Variants in PDE1C observed in about 807,000 individuals in gnomAD.
The protein encoded by PDE1C is dual specificity calcium/calmodulin-dependent 3',5'-cyclic nucleotide phosphodiesterase 1C.
PDE1C carries 62 observed loss-of-function variants against 93.1 expected under a neutral mutation model. That is an observed-to-expected ratio of 0.67 (90% CI 0.54 to 0.82). The LOEUF (loss-of-function observed/expected upper bound fraction) is 0.82. Ranked by LOEUF, PDE1C falls within the 40% of genes least tolerant of loss-of-function variation. The pLI, the probability that PDE1C is intolerant of heterozygous loss-of-function variation, is 0.00. For missense variants in PDE1C, 742 were observed against 884.6 expected, an observed-to-expected ratio of 0.84 and a Z score of 2.04; for synonymous variants, 325 against 310.1, an observed-to-expected ratio of 1.05 and a Z score of -0.50.
intron 2 of PDE1C, among the ~76,000 whole-genome samples, chr7:31,923,042 G>C (rs1374907096): frequency 6.6e-6 from 1 of 152,166 alleles, no homozygotes; most frequent in Non-Finnish European, 1.5e-5. Context: ...ACTAAACATA[G>C]AGCAGTGACA....
chr7:31,687,517 C>G, the PDE1C span, among the ~76,000 whole-genome samples: 1 of 152,060 alleles, frequency 6.6e-6, no homozygotes, highest in Admixed American at 6.5e-5. Flanking sequence ...AAGACTGAAC[C>G]CTCACAAACT....
chr7:32,225,478 G>C (rs1021540363), intron 1 of PDE1C, among the ~76,000 whole-genome samples: 1 of 152,074 alleles, frequency 6.6e-6, no homozygotes, highest in African/African-American at 2.4e-5. Flanking sequence ...GAATCCACTC[G>C]CTAAGGATTC....
At chr7:31,910,676 G>A (rs2128937009) in intron 2 of PDE1C, among the ~76,000 whole-genome samples, 1 of 152,288 alleles carries the variant, frequency 6.6e-6, no homozygotes, top group Non-Finnish European at 1.5e-5. Flanking sequence ...GGCCTCTAAA[G>A]CCAAATGGCC....
intron 1 of PDE1C, among the ~76,000 whole-genome samples, chr7:32,306,939 T>C (rs1210627497): frequency 6.6e-6 from 1 of 152,222 alleles, no homozygotes; most frequent in African/African-American, 2.4e-5. Context: ...CAGTGTCAAA[T>C]TGCCATTAGA....
chr7:31,728,159 G>T, the PDE1C span, among the ~76,000 whole-genome samples: 3 of 152,364 alleles, frequency 2.0e-5, no homozygotes, highest in East Asian at 5.8e-4. Flanking sequence ...CCATGCTGAG[G>T]TTCTCTGAAA....
At chr7:31,762,292 C>T (rs1219147813) in intron 17 of PDE1C, among the ~76,000 whole-genome samples, 1 of 152,150 alleles carries the variant, frequency 6.6e-6, no homozygotes, top group African/African-American at 2.4e-5. Context: ...TTCTTAAACT[C>T]TTCAAGGTAT....
chr7:31,766,752 G>T (rs10264322), intron 17 of PDE1C, among the ~76,000 whole-genome samples: 3,380 of 152,096 alleles, frequency 0.022, 130 homozygotes, highest in African/African-American at 0.076. Flanking sequence ...TTACTTGCTC[G>T]ACATTATGCT....
chr7:32,191,998 G>A (rs1406057322), intron 2 of PDE1C, among the ~76,000 whole-genome samples: 2 of 151,746 alleles, frequency 1.3e-5, no homozygotes, highest in Admixed American at 1.3e-4. Flanking sequence ...GTGTTTATTT[G>A]CCATCGGTAT....
At chr7:31,665,345 T>G in the PDE1C span, among the ~76,000 whole-genome samples, 1 of 152,218 alleles carries the variant, frequency 6.6e-6, no homozygotes, top group Non-Finnish European at 1.5e-5. Flanking sequence ...GATCCTATTT[T>G]GTTTCTTTCA....
chr7:31,835,573 A>G (rs893377379), intron 11 of PDE1C, among the ~76,000 whole-genome samples: 53 of 152,036 alleles, frequency 3.5e-4, no homozygotes, highest in African/African-American at 1.2e-3. Context: ...TGTGCACCAT[A>G]GACAGAGTGA....
At chr7:31,657,497 G>A in the PDE1C span, among the ~76,000 whole-genome samples, 112,571 of 152,052 alleles carry the variant, frequency 0.74, 41,819 homozygotes, top group East Asian at 0.82. Context: ...GTTCTGAGTC[G>A]CTTTCATACA....
At chr7:32,155,246 A>G (rs1801500005) in intron 3 of PDE1C, among the ~76,000 whole-genome samples, 1 of 152,248 alleles carries the variant, frequency 6.6e-6, no homozygotes, top group South Asian at 2.1e-4. Flanking sequence ...CAGATCTACC[A>G]ACTGATAGTA....
chr7:32,168,616 T>C (rs1367822319), intron 3 of PDE1C, among the ~76,000 whole-genome samples: 1 of 152,186 alleles, frequency 6.6e-6, no homozygotes, highest in Non-Finnish European at 1.5e-5. Context: ...AGACGTATTC[T>C]CTCAGGTGAG....
At chr7:32,181,711 T>C (rs1476025183) in intron 2 of PDE1C, among the ~76,000 whole-genome samples, 2 of 151,784 alleles carry the variant, frequency 1.3e-5, no homozygotes, top group Non-Finnish European at 2.9e-5. Flanking sequence ...AGATCTAAAA[T>C]TGACACCCTA....
chr7:31,618,354 T>C, the PDE1C span, among the ~76,000 whole-genome samples: 4 of 120,532 alleles, frequency 3.3e-5, no homozygotes, highest in African/African-American at 1.3e-4. Context: ...CTTTGGGAGG[T>C]TCCTCCCCTG....
the PDE1C span, chr7:31,707,550 A>G: frequency 1.2e-5 from 5 of 402,806 alleles, no homozygotes; most frequent in Admixed American, 1.7e-4. Context: ...TGAGGAGGTA[A>G]CAGGGAAAGC....
intron 3 of PDE1C, among the ~76,000 whole-genome samples, chr7:32,083,085 AAAG>A: frequency 6.6e-6 from 1 of 151,904 alleles, no homozygotes; most frequent in Non-Finnish European, 1.5e-5. Context: ...AACCAAAGGC[AAAG>A]AAGTTAAAAA....
chr7:31,671,348 C>A, the PDE1C span, among the ~76,000 whole-genome samples: 1 of 152,212 alleles, frequency 6.6e-6, no homozygotes, highest in Non-Finnish European at 1.5e-5. Flanking sequence ...ACCTGCTCAT[C>A]TATGTGCTCC....
In PDE1C at chr7:31,997,848, C is replaced by A. The variant is rs575322169; in HGVS notation, c.128+53706G>T. On this transcript the variant is annotated intron_variant, in intron 2 of 17. Coordinates refer to ENST00000396191, the MANE Select transcript of PDE1C (RefSeq NM_001191057.4). ...GTGACCCTCTCAAATGCTTAGACAA[C>A]GATGAATTGGGATTCCAAAACTCTG... is the stretch of plus-strand genomic sequence containing the variant. 2.0e-5 allele frequency among the ~76,000 whole-genome samples: 3 copies of A among 152,166 alleles called. No homozygotes were observed. The East Asian group carries it at 5.8e-4, about 29-fold the overall frequency.
Sources: gnomAD v4.1 joint callset for allele counts (sites outside exome capture counted in the v4.1 genomes callset) on GRCh38, gnomAD v4.1.1 for gene constraint, MANE v1.5 for transcripts, NCBI Gene and HGNC (gene_info 2026-07-23, HGNC 2026-07-21) for gene names.